Variants in SPG11 observed in about 807,000 individuals in gnomAD.
The protein encoded by SPG11 is SPG11 vesicle trafficking associated, spatacsin, also known as spatacsin.
In SPG11, 222 loss-of-function variants were observed where a neutral mutation model predicts 274.0. The ratio of observed to expected loss-of-function variants is 0.81; its 90% CI spans 0.73 to 0.91. The LOEUF is 0.91. SPG11 is among the 40% of genes least tolerant of loss of function. SPG11 has a pLI of 0.00. For synonymous variants in SPG11, 1,144 were observed against 1,039.7 expected, an observed-to-expected ratio of 1.10 and a Z score of -1.93; for missense variants, 3,114 against 2,872.7, an observed-to-expected ratio of 1.08 and a Z score of -1.92.
At chr15:44,601,220 A>ATTTAACT (rs146199108) in intron 20 of SPG11, among the ~76,000 whole-genome samples, 10,430 of 152,082 alleles carry the variant, frequency 0.069, 921 homozygotes, top group African/African-American at 0.19. Flanking sequence ...TGAGCAACTT[A>ATTTAACT]TTTAAGAATT....
chr15:44,592,235 CGAGT>C, intron 27 of SPG11, 92 bp downstream of exon 27: 1 of 763,044 alleles, frequency 1.3e-6, no homozygotes, highest in Admixed American at 1.9e-5. Flanking sequence ...CCTGAGTAAC[CGAGT>C]GAGACACCAA....
intron 1 of SPG11, 79 bp downstream of exon 1, chr15:44,663,312 G>A: frequency 6.5e-7 from 1 of 1,541,266 alleles, no homozygotes. Flanking sequence ...GGGAGGCCTC[G>A]GCGTGAGCCC....
chr15:44,574,232 G>A lies in SPG11; in HGVS notation c.6007-487C>T, dbSNP rs899238175. On this transcript the variant is annotated intron_variant, in intron 31 of 39. Transcript: ENST00000261866. ...TTGGTCAGGCTGGTCTCAAACTCCTGCCCTCAAGTAATCCACCCGCCTCGG... is the reference window on the plus strand; with the variant it reads ...TTGGTCAGGCTGGTCTCAAACTCCTACCCTCAAGTAATCCACCCGCCTCGG... Among the ~76,000 whole-genome samples the A allele has an allele frequency of 5.9e-5, 9 of 152,208 alleles. No homozygotes were observed. In the East Asian group the frequency reaches 1.7e-3, roughly 29 times the overall value.
intron 7 of SPG11, among the ~76,000 whole-genome samples, chr15:44,633,844 CTT>C (rs913459605): frequency 6.8e-6 from 1 of 146,204 alleles, no homozygotes; most frequent in Non-Finnish European, 1.5e-5. Flanking sequence ...CTTTTCCTTT[CTT>C]TTTTTTTTTG....
intron 19 of SPG11, among the ~76,000 whole-genome samples, chr15:44,607,592 C>T (rs770993219): frequency 2.6e-5 from 4 of 151,944 alleles, no homozygotes; most frequent in African/African-American, 4.8e-5. Context: ...ATAAACCTTA[C>T]GTTGAGTTGA....
intron 1 of SPG11, among the ~76,000 whole-genome samples, 199 bp downstream of exon 1, chr15:44,663,192 C>T (rs1297327997): frequency 6.6e-6 from 1 of 152,252 alleles, no homozygotes; most frequent in African/African-American, 2.4e-5. Context: ...TGCCAGAATG[C>T]AACGAGGCGA....
Position 44,600,577 on chromosome 15 carries a change from A to T in SPG11, c.3576T>A (p.Ala1192=). The T allele has an allele frequency of 6.2e-7, 1 of 1,614,212 alleles. No homozygotes were observed. Among genetic ancestry groups the T allele is most frequent in the Non-Finnish European group, 8.5e-7 (1 of 1,180,018 alleles). Residue 1192 remains alanine (A), a synonymous_variant, in exon 21 of 40, where the codon GCT becomes GCA. Coordinates refer to ENST00000261866, the MANE Select transcript of SPG11 (RefSeq NM_025137.4). ...AAGCAAAATTCAGACGTTCCACTAT[A>T]GCATATTTATTAACCAGGTCAGGGC... ...FSSPDLVNKY[A]IVERLNFAYY...
chr15:44,566,840 C>T (rs537036122), intron 36 of SPG11, among the ~76,000 whole-genome samples: 1 of 152,196 alleles, frequency 6.6e-6, no homozygotes, highest in South Asian at 2.1e-4. Flanking sequence ...GTTGGGATTA[C>T]AGGTGCATGC....
chr15:44,596,660 C>CAAA (rs5812279), intron 24 of SPG11, 124 bp downstream of exon 24: 382 of 270,974 alleles, frequency 1.4e-3, no homozygotes, highest in South Asian at 1.9e-3. Context: ...GTATCCTGGT[C>CAAA]AAAAAAAAAA....
chr15:44,635,935 G>T (rs940164453), intron 7 of SPG11, among the ~76,000 whole-genome samples: 2 of 151,252 alleles, frequency 1.3e-5, no homozygotes, highest in African/African-American at 4.9e-5. Context: ...AAAAAAGAAA[G>T]AAAAATTTGC....
chr15:44,651,703 A>G lies in SPG11; in HGVS notation c.1244T>C (p.Ile415Thr). 1.2e-6 allele frequency: 2 copies of G among 1,614,120 alleles called. No homozygotes were observed. The highest frequency in any genetic ancestry group is 1.7e-6 in the Non-Finnish European group (2 of 1,180,016). ...TTCCTCTTGTTCACTGATGTGCATT[A>G]TTTTCCATGATCTTCCTGGATCACT... is the stretch of plus-strand genomic sequence containing the variant. ...KTSDPGRSWK[I>T]MHISEQEEPI... is the part of the protein sequence containing the mutation. Residue 415 changes from isoleucine (I) to threonine (T), a missense_variant, in exon 6 of 40, where the codon ATA becomes ACA. Coordinates refer to ENST00000261866, the MANE Select transcript of SPG11 (RefSeq NM_025137.4).
At position 44,596,078 on chromosome 15, in the gene SPG11, C is replaced by T. The variant is rs1020872347; in HGVS notation, c.4434+5G>A. 4 of 1,613,002 alleles carry T rather than the reference C, an allele frequency of 2.5e-6. No homozygotes were observed. Among genetic ancestry groups the T allele is most frequent in the Non-Finnish European group, 3.4e-6 (4 of 1,180,014 alleles). On this transcript the variant is annotated splice_donor_5th_base_variant and intron_variant, in intron 25 of 39. Transcript: ENST00000261866. Reference sequence around the variant, plus strand: ...TACTTACTTCAGGCTTCTCATGATCCTCACCTGGAGACATGAGGCCAGAAC... The same window carrying T: ...TACTTACTTCAGGCTTCTCATGATCTTCACCTGGAGACATGAGGCCAGAAC...
At chr15:44,606,775 A>G (rs923589898) in intron 19 of SPG11, among the ~76,000 whole-genome samples, 2 of 152,214 alleles carry the variant, frequency 1.3e-5, no homozygotes. Context: ...TTTGTGATCT[A>G]TTAAAGAAGG....
In SPG11 at chr15:44,598,625, C is replaced by T; in HGVS notation, c.3892+6G>A. On this transcript the variant is annotated splice_donor_region_variant and intron_variant, in intron 22 of 39. Transcript: ENST00000261866. The stretch of plus-strand genomic sequence containing the variant: ...AACAAAGCAGGCCAGATAAAAGGTG[C>T]TGTACCTACAGACTCTCTGATAAAG... 5 of 1,613,698 alleles carry T rather than the reference C, an allele frequency of 3.1e-6. No individual in the cohort carries two copies. Among genetic ancestry groups the T allele is most frequent in the Non-Finnish European group, 4.2e-6 (5 of 1,179,688 alleles).
rs1411461951 is a variant in SPG11 at position 44,620,305 on chromosome 15, G to T, written c.2719C>A (p.His907Asn). Residue 907 changes from histidine to asparagine, a missense_variant, in exon 15 of 40, where the codon CAT becomes AAT. By Grantham distance (68) the His-to-Asn change is moderately conservative (BLOSUM62 1). Coordinates refer to ENST00000261866, the MANE Select transcript of SPG11 (RefSeq NM_025137.4). ...TTCTGCTGAAGTGAAGCATAACTATGCTGGGTTTGAAATTCTCCAATCCAT... is the reference window on the plus strand; with the variant it reads ...TTCTGCTGAAGTGAAGCATAACTATTCTGGGTTTGAAATTCTCCAATCCAT... The part of the protein sequence containing the change: ...ILWIGEFQTQ[H>N]SYASLQQNKW... 1 of 1,613,974 alleles carries T rather than the reference G, an allele frequency of 6.2e-7. No individual in the cohort carries two copies. Among genetic ancestry groups the T allele is most frequent in the Non-Finnish European group, 8.5e-7 (1 of 1,179,908 alleles).
chr15:44,654,746 G>A (rs562810080), intron 4 of SPG11, among the ~76,000 whole-genome samples: 4 of 151,940 alleles, frequency 2.6e-5, no homozygotes, highest in Non-Finnish European at 5.9e-5. Flanking sequence ...TGAGACAGGA[G>A]AATCGCTTGA....
chr15:44,659,382 A>G, intron 2 of SPG11, 79 bp from the exon 3 acceptor site: 2 of 1,293,250 alleles, frequency 1.5e-6, no homozygotes, highest in Non-Finnish European at 2.2e-6. Flanking sequence ...TAAACCTAAT[A>G]CAAAAAAGTA....
At position 44,610,976 on chromosome 15, in the gene SPG11, A is replaced by G; in HGVS notation, c.3155T>C (p.Leu1052Pro). 1 of 1,613,772 alleles carries G rather than the reference A, an allele frequency of 6.2e-7. No homozygotes were observed. The highest frequency in any genetic ancestry group is 8.5e-7 in the Non-Finnish European group (1 of 1,179,918). ...QVASNLTDPK[L>P]IFQASLANAQ... ...ATTTGCAAGGCTAGCCTGGAAGATCAGTTTGGGATCTGGAAAATAAAAGAC... is the reference window on the plus strand; with the variant it reads ...ATTTGCAAGGCTAGCCTGGAAGATCGGTTTGGGATCTGGAAAATAAAAGAC... Residue 1052 changes from leucine (L) to proline (P), a missense_variant, in exon 18 of 40, where the codon CTG becomes CCG. Coordinates refer to ENST00000261866, the MANE Select transcript of SPG11 (RefSeq NM_025137.4).
chr15:44,636,610 C>T (rs528652963), intron 7 of SPG11, among the ~76,000 whole-genome samples: 37 of 150,970 alleles, frequency 2.5e-4, no homozygotes, highest in Admixed American at 2.0e-3. Flanking sequence ...TGCAGTGAGC[C>T]GAGATCGTGC....
Sources: gnomAD v4.1 joint callset for allele counts (sites outside exome capture counted in the v4.1 genomes callset) on GRCh38, gnomAD v4.1.1 for gene constraint, MANE v1.5 for transcripts, NCBI Gene and HGNC (gene_info 2026-07-23, HGNC 2026-07-21) for gene names.